OPCML: variants seen among roughly 807,000 people sequenced by gnomAD.
OPCML encodes opioid-binding protein/cell adhesion molecule.
A neutral mutation model predicts 37.8 loss-of-function variants in OPCML; 13 were observed. The observed-to-expected ratio is 0.34, with a 90% CI of 0.22 to 0.55. The LOEUF (loss-of-function observed/expected upper bound fraction) is 0.55. Ranked by LOEUF, OPCML falls within the 20% of genes least tolerant of loss-of-function variation. The pLI, the probability that OPCML is intolerant of heterozygous loss-of-function variation, is 0.91. For synonymous variants in OPCML, 176 were observed against 168.8 expected, an observed-to-expected ratio of 1.04 and a Z score of -0.33; for missense variants, 341 against 435.6, an observed-to-expected ratio of 0.78 and a Z score of 1.93.
intron 1 of OPCML, among the ~76,000 whole-genome samples, chr11:133,106,001 A>AAAAG (rs10692475): frequency 0.72 from 108,967 of 151,238 alleles, 39,478 homozygotes; most frequent in East Asian, 0.8. Flanking sequence ...AAAAAAAAGA[A>AAAAG]AAAAAGAATA....
chr11:132,992,537 C>T (rs1051987746), intron 1 of OPCML, among the ~76,000 whole-genome samples: 3 of 152,052 alleles, frequency 2.0e-5, no homozygotes, highest in African/African-American at 7.2e-5. Context: ...GAGGGTGCGA[C>T]GGAACAAAAA....
chr11:132,541,228 G>A lies in OPCML; in HGVS notation c.380-12042C>T, dbSNP rs546844274. On this transcript the variant is annotated intron_variant, in intron 3 of 7. Transcript: ENST00000524381. ...CCCCTGAGTATTTCCGGCCTTCCTG[G>A]AGCGAGTTTCAGACCTCTCTCTTTC... Among the ~76,000 whole-genome samples, 11 of 152,180 alleles carry A rather than the reference G, an allele frequency of 7.2e-5. No homozygotes were observed. The South Asian group carries it at 1.0e-3, about 14-fold the overall frequency.
chr11:132,866,251 A>C (rs1034612048), intron 2 of OPCML, among the ~76,000 whole-genome samples: 5 of 152,246 alleles, frequency 3.3e-5, no homozygotes, highest in Admixed American at 2.0e-4. Flanking sequence ...TGAGGCAGAA[A>C]AAAAGTCAAG....
chr11:133,219,869 C>A (rs902629016), intron 1 of OPCML, among the ~76,000 whole-genome samples: 7 of 152,266 alleles, frequency 4.6e-5, no homozygotes, highest in African/African-American at 1.7e-4. Flanking sequence ...ATGCACAGAA[C>A]CCCCTTCCCA....
intron 3 of OPCML, among the ~76,000 whole-genome samples, chr11:132,534,313 T>C (rs1442877527): frequency 6.6e-6 from 1 of 152,188 alleles, no homozygotes; most frequent in Non-Finnish European, 1.5e-5. Flanking sequence ...TCCATTTATA[T>C]GATTATTTGT....
intron 2 of OPCML, among the ~76,000 whole-genome samples, chr11:132,726,350 T>A (rs1048261027): frequency 6.6e-6 from 1 of 152,096 alleles, no homozygotes; most frequent in Non-Finnish European, 1.5e-5. Flanking sequence ...CTCCCCCTCA[T>A]AGAACCACCA....
chr11:132,807,254 A>T (rs1270694207), intron 2 of OPCML, among the ~76,000 whole-genome samples: 2 of 152,150 alleles, frequency 1.3e-5, no homozygotes, highest in Non-Finnish European at 2.9e-5. Flanking sequence ...ATACGAATAC[A>T]ATTTACCAAA....
chr11:132,911,912 T>C (rs1944437987), intron 2 of OPCML, among the ~76,000 whole-genome samples: 1 of 152,170 alleles, frequency 6.6e-6, no homozygotes, highest in South Asian at 2.1e-4. Flanking sequence ...AGATTCAGAA[T>C]GCACAGAGCT....
rs374886060 is a variant in OPCML, at chr11:132,452,195, T to C, written c.506-14836A>G. Among the ~76,000 whole-genome samples, 40 of 152,320 alleles carry C rather than the reference T, an allele frequency of 2.6e-4. No homozygotes were observed. In the East Asian group the frequency reaches 5.2e-3, roughly 20 times the overall value. ...GCCTCAGAGTTGTTAATGACTTTTG[T>C]GTCATGGGGTCTAAAGCAGTTGCTA... On this transcript the variant is annotated intron_variant, in intron 4 of 7. Coordinates refer to ENST00000524381, the MANE Select transcript of OPCML (RefSeq NM_001012393.5).
At chr11:132,676,386 T>C (rs1376087576) in intron 2 of OPCML, among the ~76,000 whole-genome samples, 1 of 152,074 alleles carries the variant, frequency 6.6e-6, no homozygotes, top group East Asian at 1.9e-4. Context: ...AATGGTTTCT[T>C]ATATATAACA....
chr11:132,949,011 A>C (rs61909274), intron 1 of OPCML, among the ~76,000 whole-genome samples: 5,269 of 152,350 alleles, frequency 0.035, 121 homozygotes, highest in Middle Eastern at 0.061. Flanking sequence ...CAAGCTTGAG[A>C]ATAGGAATCC....
At chr11:132,924,936 C>T (rs1368633017) in intron 2 of OPCML, among the ~76,000 whole-genome samples, 3 of 152,108 alleles carry the variant, frequency 2.0e-5, no homozygotes, top group African/African-American at 7.2e-5. Flanking sequence ...TCCCACAGTT[C>T]TTAGATTTTC....
At chr11:132,655,542 G>T (rs780645933) in intron 3 of OPCML, among the ~76,000 whole-genome samples, 11 of 152,210 alleles carry the variant, frequency 7.2e-5, no homozygotes, top group Non-Finnish European at 1.3e-4. Context: ...GTGGAAACCC[G>T]CAGCATCTGT....
At chr11:132,668,205 C>A (rs1483830661) in intron 2 of OPCML, among the ~76,000 whole-genome samples, 1 of 152,194 alleles carries the variant, frequency 6.6e-6, no homozygotes, top group Non-Finnish European at 1.5e-5. Context: ...GGGATGTGAA[C>A]TAACTTAGAG....
chr11:132,476,933 T>A (rs1329612210), intron 4 of OPCML, among the ~76,000 whole-genome samples: 2 of 152,216 alleles, frequency 1.3e-5, no homozygotes, highest in Non-Finnish European at 2.9e-5. Flanking sequence ...GCATTTGTTT[T>A]CCCAATTTTT....
chr11:132,679,411 A>G (rs1336273628), intron 2 of OPCML, among the ~76,000 whole-genome samples: 1 of 152,268 alleles, frequency 6.6e-6, no homozygotes, highest in Non-Finnish European at 1.5e-5. Flanking sequence ...ATTCAGCCAT[A>G]TATAAAGAAT....
intron 4 of OPCML, among the ~76,000 whole-genome samples, chr11:132,500,219 T>TA (rs1343518208): frequency 7.9e-5 from 12 of 152,212 alleles, no homozygotes; most frequent in Admixed American, 7.9e-4. Context: ...GTGAAATTGT[T>TA]CAGCTCCTCT....
At chr11:132,928,384 G>C (rs144677208) in intron 2 of OPCML, among the ~76,000 whole-genome samples, 1,715 of 151,976 alleles carry the variant, frequency 0.011, 44 homozygotes, top group African/African-American at 0.039. Context: ...AAAAACACAT[G>C]ATGTTATATA....
At chr11:132,597,102 T>C (rs1488230729) in intron 3 of OPCML, among the ~76,000 whole-genome samples, 1 of 152,206 alleles carries the variant, frequency 6.6e-6, no homozygotes, top group Non-Finnish European at 1.5e-5. Flanking sequence ...ACTCATACAG[T>C]GTGATAACAT....
Sources: allele counts gnomAD v4.1 joint callset (sites outside exome capture counted in the v4.1 genomes callset), GRCh38; gene constraint gnomAD v4.1.1; transcripts MANE v1.5; gene names NCBI Gene and HGNC (gene_info 2026-07-23, HGNC 2026-07-21).